ACOXL: variants seen among roughly 807,000 people sequenced by gnomAD.
ACOXL encodes acyl-coenzyme A oxidase-like protein.
ACOXL carries 70 observed loss-of-function variants against 71.9 expected under a neutral mutation model. That is an observed-to-expected ratio of 0.97 (90% CI 0.80 to 1.19). ACOXL has a LOEUF of 1.19. ACOXL is among the 50% of genes most tolerant of loss of function. The pLI, the probability that ACOXL is intolerant of heterozygous loss-of-function variation, is 0.00. For missense variants in ACOXL, 703 were observed against 736.3 expected (o/e 0.95, Z 0.52); for synonymous variants, 253 against 281.6 (o/e 0.90, Z 1.02).
intron 11 of ACOXL, among the ~76,000 whole-genome samples, chr2:110,919,430 A>T (rs991234616): frequency 6.6e-6 from 1 of 152,056 alleles, no homozygotes; most frequent in African/African-American, 2.4e-5. Context: ...AAGGGGAGGG[A>T]TAGCATTAGG....
chr2:110,863,619 G>C (rs1009008931), intron 10 of ACOXL, among the ~76,000 whole-genome samples: 3 of 152,114 alleles, frequency 2.0e-5, no homozygotes, highest in Non-Finnish European at 4.4e-5. Context: ...TGGTAACAGG[G>C]CAGGACTAAA....
intron 16 of ACOXL, among the ~76,000 whole-genome samples, chr2:111,082,510 AAGTC>A (rs2067979148): frequency 6.6e-6 from 1 of 152,224 alleles, no homozygotes; most frequent in South Asian, 2.1e-4. Flanking sequence ...AATCATTAAA[AAGTC>A]AGGAAAAGAC....
At chr2:110,988,347 A>G (rs1408014436) in intron 13 of ACOXL, among the ~76,000 whole-genome samples, 1 of 152,158 alleles carries the variant, frequency 6.6e-6, no homozygotes, top group African/African-American at 2.4e-5. Context: ...AGGCTGAGGC[A>G]GGAGGATCAC....
chr2:111,030,276 C>A (rs1976055), intron 14 of ACOXL, among the ~76,000 whole-genome samples: 18,562 of 152,198 alleles, frequency 0.12, 1,370 homozygotes, highest in East Asian at 0.22. Context: ...TTGTCCTCCC[C>A]CTGCCAAGAT....
chr2:110,766,492 G>A (rs1056679479), intron 1 of ACOXL, among the ~76,000 whole-genome samples: 1 of 152,066 alleles, frequency 6.6e-6, no homozygotes. Flanking sequence ...CCTCCCCACT[G>A]GGCTGAGCTG....
At chr2:110,767,856 C>T (rs1296153322) in intron 1 of ACOXL, among the ~76,000 whole-genome samples, 3 of 151,562 alleles carry the variant, frequency 2.0e-5, no homozygotes, top group Non-Finnish European at 4.4e-5. Flanking sequence ...GAGGCCAAGG[C>T]GGGTGGATCA....
intron 17 of ACOXL, among the ~76,000 whole-genome samples, chr2:111,108,292 C>G (rs2069686376): frequency 6.6e-6 from 1 of 151,268 alleles, no homozygotes; most frequent in South Asian, 2.1e-4. Flanking sequence ...TTGGTTCCCC[C>G]CAAATTGCTT....
chr2:110,866,335 A>G (rs915786453), intron 10 of ACOXL, among the ~76,000 whole-genome samples: 3 of 152,112 alleles, frequency 2.0e-5, no homozygotes, highest in African/African-American at 7.2e-5. Flanking sequence ...CCTGCTCTCA[A>G]AGGCAGGGAG....
At chr2:110,781,821 A>G (rs930245729) in intron 2 of ACOXL, among the ~76,000 whole-genome samples, 2 of 152,156 alleles carry the variant, frequency 1.3e-5, no homozygotes, top group African/African-American at 4.8e-5. Flanking sequence ...TACACATCCA[A>G]CCTATTCTGA....
At chr2:110,738,387 A>G (rs1025861811) in intron 1 of ACOXL, among the ~76,000 whole-genome samples, 1 of 152,190 alleles carries the variant, frequency 6.6e-6, no homozygotes, top group Non-Finnish European at 1.5e-5. Context: ...TTCCTAAGAG[A>G]GGGTACCTGG....
At chr2:110,842,333 G>A (rs919226553) in intron 10 of ACOXL, among the ~76,000 whole-genome samples, 2 of 152,160 alleles carry the variant, frequency 1.3e-5, no homozygotes, top group African/African-American at 4.8e-5. Flanking sequence ...GACATTTCTG[G>A]AGACCTATGA....
intron 10 of ACOXL, among the ~76,000 whole-genome samples, chr2:110,872,159 A>G (rs1004361154): frequency 6.6e-6 from 1 of 152,140 alleles, no homozygotes; most frequent in Non-Finnish European, 1.5e-5. Flanking sequence ...TTGAGGCTGG[A>G]CTTCCTGGCA....
intron 15 of ACOXL, among the ~76,000 whole-genome samples, chr2:111,045,386 AG>A (rs1461524433): frequency 6.6e-6 from 1 of 152,234 alleles, no homozygotes; most frequent in African/African-American, 2.4e-5. Context: ...ATCAGCTGTC[AG>A]GGAAAGTGGC....
chr2:110,962,635 G>A (rs984570154), intron 12 of ACOXL, among the ~76,000 whole-genome samples: 5 of 152,234 alleles, frequency 3.3e-5, no homozygotes, highest in Non-Finnish European at 5.9e-5. Flanking sequence ...TAAGACCCCT[G>A]TGGCCATTTT....
At chr2:111,074,419 T>G (rs2149943665) in intron 16 of ACOXL, among the ~76,000 whole-genome samples, 1 of 152,270 alleles carries the variant, frequency 6.6e-6, no homozygotes, top group Non-Finnish European at 1.5e-5. Context: ...TGTGTGTTTT[T>G]CTCTTGTAAT....
At chr2:111,054,701 T>C (rs2066450005) in intron 16 of ACOXL, among the ~76,000 whole-genome samples, 1 of 152,188 alleles carries the variant, frequency 6.6e-6, no homozygotes, top group African/African-American at 2.4e-5. Context: ...TGCAACCCTT[T>C]CTCTGTCTAA....
intron 15 of ACOXL, among the ~76,000 whole-genome samples, chr2:111,040,211 C>T (rs951534612): frequency 6.6e-6 from 1 of 152,200 alleles, no homozygotes; most frequent in African/African-American, 2.4e-5. Flanking sequence ...GTTCTTTCTT[C>T]TTGCAAGAAT....
intron 12 of ACOXL, chr2:110,963,844 T>A: frequency 7.8e-7 from 1 of 1,289,308 alleles, no homozygotes; most frequent in Non-Finnish European, 1.1e-6. Context: ...ATATTTGTTG[T>A]AGCTGAACAG....
intron 10 of ACOXL, among the ~76,000 whole-genome samples, chr2:110,888,784 A>G (rs1396512657): frequency 6.6e-6 from 1 of 152,208 alleles, no homozygotes; most frequent in Non-Finnish European, 1.5e-5. Context: ...AACTTAAGGT[A>G]CTTTTGTGGT....
Sources: allele counts gnomAD v4.1 joint callset (sites outside exome capture counted in the v4.1 genomes callset), GRCh38; gene constraint gnomAD v4.1.1; transcripts MANE v1.5; gene names NCBI Gene and HGNC (gene_info 2026-07-23, HGNC 2026-07-21).